Variants in ENTREP1 observed in about 807,000 individuals in gnomAD.
ENTREP1 encodes the protein Friedreich ataxia region gene X123.
At chr9:69,357,177 C>T in the ENTREP1 span, among the ~76,000 whole-genome samples, 1 of 151,898 alleles carries the variant, frequency 6.6e-6, no homozygotes, top group East Asian at 1.9e-4. Flanking sequence ...GACTGAGGGA[C>T]CCGGGATAGG....
At chr9:69,325,810 C>T in the ENTREP1 span, 1 of 1,209,208 alleles carries the variant, frequency 8.3e-7, no homozygotes, top group African/African-American at 1.6e-5. Flanking sequence ...CTTTGTTGGC[C>T]TCCAGGGCTG....
the ENTREP1 span, among the ~76,000 whole-genome samples, chr9:69,385,136 G>A: frequency 6.6e-6 from 1 of 152,172 alleles, no homozygotes; most frequent in East Asian, 1.9e-4. Context: ...GGCCAGGCAG[G>A]TCTTGAACTC....
chr9:69,333,237 G>A, the ENTREP1 span, among the ~76,000 whole-genome samples: 4 of 152,024 alleles, frequency 2.6e-5, no homozygotes, highest in African/African-American at 7.2e-5. Flanking sequence ...TGTAGGTGAG[G>A]GGGGCAGAAC....
the ENTREP1 span, among the ~76,000 whole-genome samples, chr9:69,362,191 C>T: frequency 6.6e-6 from 1 of 152,092 alleles, no homozygotes; most frequent in African/African-American, 2.4e-5. Context: ...AAATAAAAGT[C>T]CTTAGGCAGT....
chr9:69,377,758 G>A, the ENTREP1 span: 1 of 1,604,540 alleles, frequency 6.2e-7, no homozygotes, highest in East Asian at 2.2e-5. Context: ...TCGTTCCTGA[G>A]TTCCCCTGCA....
At chr9:69,370,038 G>A in the ENTREP1 span, among the ~76,000 whole-genome samples, 1 of 152,086 alleles carries the variant, frequency 6.6e-6, no homozygotes, top group Non-Finnish European at 1.5e-5. Flanking sequence ...TCCTTCAGTG[G>A]GCTGGCTTTA....
the ENTREP1 span, among the ~76,000 whole-genome samples, chr9:69,327,967 A>T: frequency 6.6e-6 from 1 of 152,004 alleles, no homozygotes; most frequent in African/African-American, 2.4e-5. Flanking sequence ...AGGCACCATG[A>T]CTCTCTTGGT....
the ENTREP1 span, among the ~76,000 whole-genome samples, chr9:69,338,272 A>G: frequency 6.6e-6 from 1 of 152,192 alleles, no homozygotes; most frequent in African/African-American, 2.4e-5. Context: ...TATGGTCTCT[A>G]TGAAAAATTT....
the ENTREP1 span, chr9:69,386,061 G>A: frequency 1.1e-6 from 1 of 950,362 alleles, no homozygotes; most frequent in Non-Finnish European, 1.4e-6. Flanking sequence ...GTGGTCATTT[G>A]AAGGAGCTTA....
At chr9:69,377,805 T>C in the ENTREP1 span, 30 of 1,518,010 alleles carry the variant, frequency 2.0e-5, no homozygotes, top group Non-Finnish European at 2.6e-5. Context: ...AAGACTGAAG[T>C]GTCTCCAGAA....
the ENTREP1 span, among the ~76,000 whole-genome samples, chr9:69,388,735 G>T: frequency 6.6e-6 from 1 of 152,206 alleles, no homozygotes; most frequent in Non-Finnish European, 1.5e-5. Context: ...GAATAAAAGC[G>T]GAGGATGTGG....
chr9:69,388,976 G>A, the ENTREP1 span, among the ~76,000 whole-genome samples: 3 of 152,170 alleles, frequency 2.0e-5, no homozygotes, highest in African/African-American at 2.4e-5. Flanking sequence ...GGCAATCCCC[G>A]AAACTGAAGC....
chr9:69,383,291 C>A, the ENTREP1 span: 1 of 786,474 alleles, frequency 1.3e-6, no homozygotes, highest in Non-Finnish European at 1.6e-6. Context: ...TTCAGAGAGA[C>A]CCCATACCCA....
chr9:69,341,311 A>T, the ENTREP1 span, among the ~76,000 whole-genome samples: 1 of 152,204 alleles, frequency 6.6e-6, no homozygotes, highest in Non-Finnish European at 1.5e-5. Flanking sequence ...CATGTGGCTT[A>T]TTCCCAACTG....
the ENTREP1 span, among the ~76,000 whole-genome samples, chr9:69,362,024 C>G: frequency 3.3e-5 from 5 of 152,040 alleles, no homozygotes; most frequent in African/African-American, 1.2e-4. Context: ...TACTTATGCT[C>G]AATTCACCAT....
At chr9:69,384,913 T>A in the ENTREP1 span, among the ~76,000 whole-genome samples, 4 of 151,842 alleles carry the variant, frequency 2.6e-5, no homozygotes, top group African/African-American at 9.7e-5. Context: ...TTTTTTTTTT[T>A]AACTTTATTT....
chr9:69,334,672 TG>T, the ENTREP1 span, among the ~76,000 whole-genome samples: 87 of 152,208 alleles, frequency 5.7e-4, no homozygotes, highest in Non-Finnish European at 1.1e-3. Flanking sequence ...AAAATTACTT[TG>T]ATTATCATTT....
At chr9:69,382,568 G>A in the ENTREP1 span, 1 of 152,224 alleles carries the variant, frequency 6.6e-6, no homozygotes, top group African/African-American at 2.4e-5. Flanking sequence ...AGAGGAAAAC[G>A]AGGGAGTGCT....
chr9:69,391,959 C>G, the ENTREP1 span: 1 of 716,588 alleles, frequency 1.4e-6, no homozygotes, highest in South Asian at 1.8e-5. Context: ...TGAGGGCATT[C>G]AGGAGTAAAT....
Sources: allele counts gnomAD v4.1 joint callset (sites outside exome capture counted in the v4.1 genomes callset), GRCh38; gene constraint gnomAD v4.1.1; transcripts MANE v1.5; gene names NCBI Gene and HGNC (gene_info 2026-07-23, HGNC 2026-07-21).